ASB3: variants seen among roughly 807,000 people sequenced by gnomAD.
ASB3 encodes ankyrin repeat and SOCS box containing 3.
In ASB3, 41 loss-of-function variants were observed where a neutral mutation model predicts 54.5. The ratio of observed to expected loss-of-function variants is 0.75; its 90% CI spans 0.59 to 0.98. The LOEUF (loss-of-function observed/expected upper bound fraction) is 0.98. ASB3 is among the 50% of genes least tolerant of loss of function. The probability of loss-of-function intolerance (pLI) is 0.00; values close to 1 mark genes in which losing one functional copy is unlikely to be tolerated. For synonymous variants in ASB3, 266 were observed against 221.2 expected, an observed-to-expected ratio of 1.20 and a Z score of -1.80; for missense variants, 733 against 620.0, an observed-to-expected ratio of 1.18 and a Z score of -1.94.
chr2:53,733,686 C>T (rs887551433), intron 3 of ASB3, among the ~76,000 whole-genome samples: 1 of 152,112 alleles, frequency 6.6e-6, no homozygotes, highest in Admixed American at 6.6e-5. Flanking sequence ...ATATAATCCG[C>T]CCACCTTGGC....
chr2:53,675,208 C>T (rs1668022333), intron 9 of ASB3, among the ~76,000 whole-genome samples: 1 of 152,130 alleles, frequency 6.6e-6, no homozygotes, highest in South Asian at 2.1e-4. Flanking sequence ...AAATCCCAGG[C>T]ACCACAGAAT....
intron 5 of ASB3, among the ~76,000 whole-genome samples, chr2:53,721,121 A>T (rs566224679): frequency 8.4e-6 from 1 of 119,302 alleles, no homozygotes; most frequent in Admixed American, 8.8e-5. Context: ...TGTCTCCAGA[A>T]ATATAAATAA....
chr2:53,729,970 T>G (rs1411140014), intron 3 of ASB3, among the ~76,000 whole-genome samples: 1 of 152,144 alleles, frequency 6.6e-6, no homozygotes, highest in Non-Finnish European at 1.5e-5. Context: ...TGATCACAAA[T>G]AAAAAGAGTA....
At chr2:53,693,174 A>G (rs919762419) in intron 9 of ASB3, among the ~76,000 whole-genome samples, 2 of 152,218 alleles carry the variant, frequency 1.3e-5, no homozygotes, top group South Asian at 2.1e-4. Context: ...ATGGTTAACA[A>G]AATATAGTCA....
chr2:53,719,881 A>T (rs1202324348), intron 5 of ASB3, among the ~76,000 whole-genome samples: 1 of 152,160 alleles, frequency 6.6e-6, no homozygotes, highest in East Asian at 1.9e-4. Context: ...GGGCAATGTG[A>T]AAGGAAAATA....
Position 53,765,462 on chromosome 2 carries a change from A to G in ASB3, c.111T>C (p.Asp37=), listed in dbSNP as rs1164343992. 3 of 1,614,252 alleles carry G rather than the reference A, an allele frequency of 1.9e-6. No homozygotes were observed. The highest frequency in any genetic ancestry group is 2.5e-6 in the Non-Finnish European group (3 of 1,180,036). Residue 37 remains aspartate (D), a synonymous_variant, in exon 2 of 10, where the codon GAT becomes GAC. Coordinates refer to ENST00000263634, the MANE Select transcript of ASB3 (RefSeq NM_016115.5). ...RKLLKKGRSV[D]VADNRGWMPI... ...GCATCCATCCCCTGTTATCAGCAAC[A>G]TCGACACTTCGGCCCTTTTTGAGCA...
At chr2:53,721,854 T>C (rs115617335) in intron 5 of ASB3, among the ~76,000 whole-genome samples, 1,522 of 152,026 alleles carry the variant, frequency 0.01, 29 homozygotes, top group African/African-American at 0.033. Context: ...AGAGTGGAAC[T>C]GAATGAAATT....
rs191713836 is a variant in ASB3, at chr2:53,735,642, A to C, written c.356-6072T>G. Among the ~76,000 whole-genome samples, 285 of 152,276 alleles carry C rather than the reference A, an allele frequency of 1.9e-3. 1 individual carries two copies. Among genetic ancestry groups the C allele is most frequent in the African/African-American group, 6.3e-3 (261 of 41,564 alleles). ...GGTATTGTCTTAATAGTTGGAAAAAAAAAAACAAAAACTGATTCATACAGA... is the reference window on the plus strand; with the variant it reads ...GGTATTGTCTTAATAGTTGGAAAAACAAAAACAAAAACTGATTCATACAGA... On this transcript the variant is annotated intron_variant, in intron 3 of 9. Transcript: ENST00000263634.
chr2:53,737,097 C>G (rs913410079), intron 3 of ASB3, among the ~76,000 whole-genome samples: 1 of 152,132 alleles, frequency 6.6e-6, no homozygotes, highest in African/African-American at 2.4e-5. Flanking sequence ...ATAACTGGTA[C>G]TAAACTAGCC....
At position 53,714,371 on chromosome 2, in the gene ASB3, C is replaced by T; in HGVS notation, c.980+13G>A. On this transcript the variant is annotated intron_variant, in intron 7 of 9. Transcript: ENST00000263634. Reference sequence around the variant, plus strand: ...AAAAGAATAAAAAATAAAAACATAGCAAATATACATACTCCTTTTGGAAAG... The same window carrying T: ...AAAAGAATAAAAAATAAAAACATAGTAAATATACATACTCCTTTTGGAAAG... The T allele has an allele frequency of 6.2e-7, 1 of 1,611,290 alleles. No individual in the cohort carries two copies. The highest frequency in any genetic ancestry group is 8.5e-7 in the Non-Finnish European group (1 of 1,179,360).
At chr2:53,685,676 G>A (rs990256297) in intron 9 of ASB3, among the ~76,000 whole-genome samples, 3 of 152,144 alleles carry the variant, frequency 2.0e-5, no homozygotes, top group African/African-American at 7.2e-5. Context: ...ACTCTTTCTC[G>A]ATCTGCATCT....
At chr2:53,765,293 T>C in intron 2 of ASB3, 84 bp downstream of exon 2, 9 of 1,541,020 alleles carry the variant, frequency 5.8e-6, no homozygotes, top group South Asian at 3.6e-5. Context: ...CAAATACTAC[T>C]GTTAATAAGT....
intron 3 of ASB3, 56 bp from the exon 4 acceptor site, chr2:53,729,626 T>C (rs1671191434): frequency 6.8e-7 from 1 of 1,470,300 alleles, no homozygotes. Flanking sequence ...TTTGTAGGAC[T>C]GGACACTTTG....
At chr2:53,723,318 T>C (rs538668375) in intron 5 of ASB3, among the ~76,000 whole-genome samples, 1 of 152,324 alleles carries the variant, frequency 6.6e-6, no homozygotes, top group Non-Finnish European at 1.5e-5. Context: ...TTTCCCCTGT[T>C]AAATGTCAGA....
chr2:53,671,785 G>A lies in ASB3; in HGVS notation c.1370-1095C>T, dbSNP rs1214360591. On this transcript the variant is annotated intron_variant, in intron 9 of 9. Transcript: ENST00000263634. ...AAAAAAAAAAAGAAAAGAATCATAT[G>A]ATAGCAGTTTCATTTTCCAAGATGA... Among the ~76,000 whole-genome samples the A allele has an allele frequency of 1.6e-5, 2 of 128,346 alleles. 1 individual carries two copies. Among genetic ancestry groups the A allele is most frequent in the Non-Finnish European group, 3.6e-5 (2 of 56,218 alleles). The allele number at this position is 128,346 out of a possible 152,430, so 84.2% of individuals were successfully genotyped here. A position where few individuals can be genotyped will look rare whatever the true frequency, so the allele number is the denominator to read the frequency against.
intron 9 of ASB3, among the ~76,000 whole-genome samples, chr2:53,684,273 T>G (rs1033875272): frequency 6.6e-6 from 1 of 152,114 alleles, no homozygotes; most frequent in Non-Finnish European, 1.5e-5. Flanking sequence ...CACTACAGAG[T>G]GGTTAGAAGT....
chr2:53,735,118 C>T (rs1663432604), intron 3 of ASB3, among the ~76,000 whole-genome samples: 1 of 151,990 alleles, frequency 6.6e-6, no homozygotes, highest in Admixed American at 6.6e-5. Flanking sequence ...TGGTGTTTCA[C>T]CATGTTAGTT....
At chr2:53,769,778 G>A (rs1290931235) in intron 1 of ASB3, among the ~76,000 whole-genome samples, 2 of 152,158 alleles carry the variant, frequency 1.3e-5, no homozygotes, top group African/African-American at 4.8e-5. Context: ...GGAGGCAGAC[G>A]TTGCGGTGAG....
At chr2:53,697,022 C>T (rs575223685) in intron 8 of ASB3, among the ~76,000 whole-genome samples, 2 of 152,208 alleles carry the variant, frequency 1.3e-5, no homozygotes, top group Admixed American at 6.5e-5. Flanking sequence ...ACAGGAGGTC[C>T]GCACAAGATA....
Sources: gnomAD v4.1 joint callset for allele counts (sites outside exome capture counted in the v4.1 genomes callset) on GRCh38, gnomAD v4.1.1 for gene constraint, MANE v1.5 for transcripts, NCBI Gene and HGNC (gene_info 2026-07-23, HGNC 2026-07-21) for gene names.